The following EML6 variants were observed in gnomAD, a reference collection of about 807,000 sequenced individuals.
The protein encoded by EML6 is EMAP like 6.
EML6 carries 154 observed loss-of-function variants against 240.1 expected under a neutral mutation model. The ratio of observed to expected loss-of-function variants is 0.64; its 90% confidence interval spans 0.56 to 0.73. EML6 has a LOEUF of 0.73. Ranked by LOEUF, EML6 falls within the 30% of genes least tolerant of loss-of-function variation. The pLI is 0.00. For missense variants in EML6, 2,964 were observed against 2,474.6 expected, an observed-to-expected ratio of 1.20 and a Z score of -4.20; for synonymous variants, 1,148 against 899.0, an observed-to-expected ratio of 1.28 and a Z score of -4.95.
chr2:54,968,580 G>T (rs1239247133), intron 40 of EML6, 88 bp from the exon 41 acceptor site: 3 of 806,930 alleles, frequency 3.7e-6, no homozygotes, highest in Non-Finnish European at 2.1e-6. Flanking sequence ...AAGGTTCTGG[G>T]AGCAGGGGAT....
chr2:54,959,551 C>T (rs765947489), intron 34 of EML6, among the ~76,000 whole-genome samples: 1 of 152,084 alleles, frequency 6.6e-6, no homozygotes, highest in African/African-American at 2.4e-5. Context: ...CACCTGAGGT[C>T]AGGAGTTCAA....
chr2:54,906,610 G>T (rs1386602547), intron 24 of EML6, among the ~76,000 whole-genome samples: 2 of 152,222 alleles, frequency 1.3e-5, no homozygotes, highest in African/African-American at 4.8e-5. Context: ...CTGCAGGCAG[G>T]TGAGGGGGTC....
intron 16 of EML6, among the ~76,000 whole-genome samples, chr2:54,873,038 A>G (rs1671335681): frequency 6.6e-6 from 1 of 152,174 alleles, no homozygotes; most frequent in Non-Finnish European, 1.5e-5. Flanking sequence ...TGCTGTGCAA[A>G]TAGAAGCTAC....
chr2:54,856,700 T>A (rs894274828), intron 11 of EML6, among the ~76,000 whole-genome samples: 1 of 152,128 alleles, frequency 6.6e-6, no homozygotes, highest in South Asian at 2.1e-4. Flanking sequence ...TTGGAGAGGG[T>A]GACAGGGCTG....
chr2:54,859,428 A>G (rs1258077644), intron 11 of EML6, 106 bp from the exon 12 acceptor site: 5 of 828,498 alleles, frequency 6.0e-6, no homozygotes, highest in Non-Finnish European at 9.5e-6. Flanking sequence ...TCGTTTTCAG[A>G]TATATTTAAA....
intron 2 of EML6, among the ~76,000 whole-genome samples, chr2:54,789,293 C>A (rs1245785321): frequency 1.3e-5 from 2 of 151,896 alleles, no homozygotes; most frequent in Admixed American, 6.6e-5. Flanking sequence ...GCGGGCGGAT[C>A]ACGAGGTCAG....
intron 28 of EML6, among the ~76,000 whole-genome samples, chr2:54,934,153 A>G (rs980761356): frequency 6.6e-6 from 1 of 152,190 alleles, no homozygotes; most frequent in Non-Finnish European, 1.5e-5. Flanking sequence ...AGCAGTCAGG[A>G]TATAAAGGTT....
chr2:54,847,487 C>G lies in EML6; in HGVS notation c.1051C>G (p.Leu351Val), dbSNP rs938929052. Residue 351 changes from leucine to valine, a missense_variant and splice_region_variant, in exon 9 of 42, where the codon CTG becomes GTG. Leu to Val is a conservative substitution (Grantham distance 32). Coordinates refer to ENST00000356458, the MANE Select transcript of EML6 (RefSeq NM_001039753.4). ...TTTTGACTTCGTTCTTGTGCCTAGG[C>G]TGTGGAGCCTGGCTGATCATGCCTT... ...VTGSDDRSVRLWSLADHALIA... is the reference protein window; with the variant it reads ...VTGSDDRSVRVWSLADHALIA... The G allele has an allele frequency of 6.4e-7, 1 of 1,551,146 alleles. No individual in the cohort carries two copies. Among genetic ancestry groups the G allele is most frequent in the Admixed American group, 2.0e-5 (1 of 50,976 alleles).
rs578246360 is a variant in EML6, at chr2:54,838,884, A to G, written c.848-5163A>G. Among the ~76,000 whole-genome samples, 8 of 152,308 alleles carry G rather than the reference A, an allele frequency of 5.3e-5. No individual in the cohort carries two copies. The East Asian group carries it at 1.5e-3, about 29-fold the overall frequency. ...AGTGTCAAAAGTAACAATGATGTGT[A>G]TTTCTCCAGGAAAGAGAACTTCTGT... On this transcript the variant is annotated intron_variant, in intron 7 of 41. Coordinates refer to ENST00000356458, the MANE Select transcript of EML6 (RefSeq NM_001039753.4).
chr2:54,833,292 C>A (rs1050245130), intron 7 of EML6, among the ~76,000 whole-genome samples: 1 of 152,168 alleles, frequency 6.6e-6, no homozygotes, highest in Admixed American at 6.5e-5. Context: ...ATGAATCTGA[C>A]AATTTCCAAG....
intron 2 of EML6, among the ~76,000 whole-genome samples, chr2:54,752,712 T>C (rs2103713735): frequency 6.6e-6 from 1 of 152,376 alleles, no homozygotes; most frequent in Middle Eastern, 3.4e-3. Flanking sequence ...GGCCAAGAAG[T>C]GATAAATATA....
At chr2:54,827,444 A>G in intron 5 of EML6, 122 bp from the exon 6 acceptor site, 1 of 765,432 alleles carries the variant, frequency 1.3e-6, no homozygotes, top group Non-Finnish European at 2.1e-6. Flanking sequence ...AAGCAAATTA[A>G]CTTATTTGTG....
intron 2 of EML6, among the ~76,000 whole-genome samples, chr2:54,798,635 T>C (rs1229945280): frequency 2.0e-5 from 3 of 152,204 alleles, no homozygotes; most frequent in Non-Finnish European, 4.4e-5. Flanking sequence ...TCTTGTGTCT[T>C]GCAAATATTG....
Position 54,971,190 on chromosome 2 carries a change from T to A in EML6, c.*1095T>A, listed in dbSNP as rs989924851. 2.0e-5 allele frequency: 3 copies of A among 152,182 alleles called. No homozygotes were observed. The highest frequency in any genetic ancestry group is 4.4e-5 in the Non-Finnish European group (3 of 68,026). The allele number at this position is 152,182 out of a possible 1,614,324, so 9.4% of individuals were successfully genotyped here. ...TAAAAAAATTATCTGCAGAACAAAT[T>A]GTAAACCCAAGGAATAGCTGGTAAA... On this transcript the variant is annotated 3_prime_UTR_variant, in exon 42 of 42. Transcript: ENST00000356458.
rs141607547 is a variant in EML6, at chr2:54,884,259, G to A, written c.2438+4619G>A. On this transcript the variant is annotated intron_variant, in intron 17 of 41. Transcript: ENST00000356458. ...GGTTATGGTTGGGAAGCTATATAGG[G>A]CAAGGCACGTAGGAAGGGGCACAGA... Among the ~76,000 whole-genome samples, 49 of 152,084 alleles carry A rather than the reference G, an allele frequency of 3.2e-4. No homozygotes were observed. In the East Asian group the frequency reaches 7.9e-3, roughly 25 times the overall value.
intron 12 of EML6, among the ~76,000 whole-genome samples, chr2:54,863,167 G>A (rs778778543): frequency 6.6e-5 from 10 of 152,150 alleles, no homozygotes; most frequent in Admixed American, 1.3e-4. Context: ...CCAACACTTG[G>A]GTGGGCATGG....
At chr2:54,851,640 A>G (rs1174964159) in intron 10 of EML6, among the ~76,000 whole-genome samples, 2 of 152,192 alleles carry the variant, frequency 1.3e-5, no homozygotes, top group African/African-American at 4.8e-5. Context: ...ACTTTCAGGT[A>G]TTTGGATGTT....
intron 2 of EML6, among the ~76,000 whole-genome samples, chr2:54,806,961 C>G (rs1670527760): frequency 6.6e-6 from 1 of 151,966 alleles, no homozygotes; most frequent in Non-Finnish European, 1.5e-5. Flanking sequence ...AAACAGCTCT[C>G]CAGGAGAAAA....
chr2:54,946,961 A>G (rs995702253), intron 28 of EML6, among the ~76,000 whole-genome samples: 2 of 151,728 alleles, frequency 1.3e-5, no homozygotes, highest in Non-Finnish European at 2.9e-5. Flanking sequence ...CTGTGTATAT[A>G]TATACAATCT....
Sources: gnomAD v4.1 joint callset for allele counts (sites outside exome capture counted in the v4.1 genomes callset) on GRCh38, gnomAD v4.1.1 for gene constraint, MANE v1.5 for transcripts, NCBI Gene and HGNC (gene_info 2026-07-23, HGNC 2026-07-21) for gene names.